Variants in PTPRD observed in about 807,000 individuals in gnomAD.
The protein encoded by PTPRD is receptor-type tyrosine-protein phosphatase delta.
PTPRD carries 34 observed loss-of-function variants against 214.5 expected under a neutral mutation model. The observed-to-expected ratio is 0.16, with a 90% CI of 0.12 to 0.21. The LOEUF is 0.21. PTPRD is among the 10% of genes least tolerant of loss of function. The pLI, the probability that PTPRD is intolerant of heterozygous loss-of-function variation, is 1.00. For synonymous variants in PTPRD, 1,128 were observed against 845.7 expected (o/e 1.33, Z -5.79); for missense variants, 2,545 against 2,398.7 (o/e 1.06, Z -1.27).
intron 3 of PTPRD, among the ~76,000 whole-genome samples, chr9:10,044,362 G>A (rs1300452839): frequency 6.6e-6 from 1 of 151,686 alleles, no homozygotes; most frequent in Non-Finnish European, 1.5e-5. Context: ...CAGCGATGAA[G>A]CCTTTGTTCT....
chr9:9,815,716 A>G (rs1241698869), intron 5 of PTPRD, among the ~76,000 whole-genome samples: 1 of 152,150 alleles, frequency 6.6e-6, no homozygotes, highest in East Asian at 1.9e-4. Flanking sequence ...AAAAGCAGAG[A>G]GTAGAATGGT....
At chr9:8,852,797 T>C (rs2097845722) in intron 11 of PTPRD, among the ~76,000 whole-genome samples, 2 of 152,308 alleles carry the variant, frequency 1.3e-5, no homozygotes, top group South Asian at 4.1e-4. Context: ...TTTTGGTAAT[T>C]TTCAAAATGT....
At chr9:10,612,235 C>G (rs2081236588) in intron 2 of PTPRD, among the ~76,000 whole-genome samples, 163 bp downstream of exon 2, 1 of 135,604 alleles carries the variant, frequency 7.4e-6, no homozygotes, top group East Asian at 2.2e-4. Flanking sequence ...GAAAAAAATG[C>G]TTAGCGAACC....
chr9:8,932,684 A>G (rs1234573799), intron 11 of PTPRD, among the ~76,000 whole-genome samples: 2 of 152,082 alleles, frequency 1.3e-5, no homozygotes, highest in Non-Finnish European at 1.5e-5. Context: ...GGGGAAAACC[A>G]CCTACTCAAA....
intron 39 of PTPRD, among the ~76,000 whole-genome samples, chr9:8,356,733 G>A (rs1049914088): frequency 2.0e-5 from 3 of 152,228 alleles, no homozygotes; most frequent in East Asian, 1.9e-4. Context: ...TCAGCTGCAG[G>A]CAGGCTGATT....
chr9:9,674,188 T>C (rs1227366937), intron 7 of PTPRD, among the ~76,000 whole-genome samples: 2 of 151,730 alleles, frequency 1.3e-5, no homozygotes, highest in African/African-American at 4.8e-5. Context: ...TAAACAAAAG[T>C]AGTAAATAAA....
chr9:9,618,578 CT>C (rs2095046684), intron 7 of PTPRD, among the ~76,000 whole-genome samples: 2 of 151,870 alleles, frequency 1.3e-5, no homozygotes, highest in South Asian at 4.2e-4. Flanking sequence ...AAAGAAGGAT[CT>C]TAATCTTTGG....
intron 10 of PTPRD, among the ~76,000 whole-genome samples, chr9:9,049,434 T>C (rs2099680381): frequency 1.3e-5 from 2 of 152,176 alleles, no homozygotes; most frequent in African/African-American, 4.8e-5. Context: ...AAAATAAATA[T>C]AAATATTTGT....
chr9:8,650,528 C>CA (rs35887411), intron 12 of PTPRD, among the ~76,000 whole-genome samples: 5,569 of 104,242 alleles, frequency 0.053, 186 homozygotes, highest in Non-Finnish European at 0.076. Flanking sequence ...ACTCCGCCTC[C>CA]AAAAAAAAAA....
chr9:9,435,557 G>C (rs1160521181), intron 8 of PTPRD, among the ~76,000 whole-genome samples: 2 of 151,984 alleles, frequency 1.3e-5, no homozygotes, highest in Non-Finnish European at 2.9e-5. Flanking sequence ...CTAAGGATTT[G>C]TTTTATTACA....
Position 8,320,243 on chromosome 9 carries a change from A to C in PTPRD, c.5535-277T>G, listed in dbSNP as rs1406807259. 3.3e-5 allele frequency among the ~76,000 whole-genome samples: 5 copies of C among 152,150 alleles called. No individual in the cohort carries two copies. In the East Asian group the frequency reaches 9.7e-4, roughly 29 times the overall value. On this transcript the variant is annotated intron_variant, in intron 44 of 45. Transcript: ENST00000381196. ...TTTAGAAAGACCAAGGAAACATAAC[A>C]AATGAAAAGAAAGGGTAAATAACAT...
At chr9:9,453,739 G>C (rs2092591635) in intron 8 of PTPRD, among the ~76,000 whole-genome samples, 2 of 151,606 alleles carry the variant, frequency 1.3e-5, no homozygotes, top group Non-Finnish European at 3.0e-5. Flanking sequence ...AAATTAATCT[G>C]ACATTTTTGG....
intron 3 of PTPRD, among the ~76,000 whole-genome samples, chr9:10,103,561 C>A (rs556643602): frequency 6.6e-6 from 1 of 150,816 alleles, no homozygotes; most frequent in African/African-American, 2.4e-5. Flanking sequence ...CAATATAAGC[C>A]CCCTAAAGCC....
chr9:10,402,913 A>G (rs2098294638), intron 2 of PTPRD, among the ~76,000 whole-genome samples: 1 of 151,494 alleles, frequency 6.6e-6, no homozygotes, highest in Non-Finnish European at 1.5e-5. Context: ...CTACCTAGCC[A>G]TTAGATCTGT....
At chr9:8,621,331 G>T (rs1204161484) in intron 14 of PTPRD, among the ~76,000 whole-genome samples, 1 of 151,966 alleles carries the variant, frequency 6.6e-6, no homozygotes, top group Non-Finnish European at 1.5e-5. Flanking sequence ...AACCAGGCTT[G>T]TGTAAAAGAC....
rs541263539 is a variant in PTPRD at position 10,250,589 on chromosome 9, A to C, written c.-545+90374T>G. ...ATCTCAGATTTAAAATCCTTTGATC[A>C]ATCAACAAACACTTATTGAACACAA... On this transcript the variant is annotated intron_variant, in intron 3 of 45. Coordinates refer to ENST00000381196, the MANE Select transcript of PTPRD (RefSeq NM_002839.4). Among the ~76,000 whole-genome samples the C allele has an allele frequency of 4.8e-4, 73 of 152,234 alleles. 1 individual carries two copies. The highest frequency in any genetic ancestry group is 1.7e-3 in the African/African-American group (69 of 41,580).
intron 4 of PTPRD, among the ~76,000 whole-genome samples, chr9:9,941,228 T>C (rs1198953266): frequency 6.6e-6 from 1 of 152,100 alleles, no homozygotes; most frequent in Non-Finnish European, 1.5e-5. Flanking sequence ...TATATGACTA[T>C]GAGGGAAGGG....
chr9:9,011,127 T>A (rs116928532), intron 11 of PTPRD, among the ~76,000 whole-genome samples: 2,216 of 152,154 alleles, frequency 0.015, 23 homozygotes, highest in Non-Finnish European at 0.023. Context: ...TTCTAGTCTG[T>A]AGGGGTGCTC....
intron 3 of PTPRD, among the ~76,000 whole-genome samples, chr9:10,085,012 T>C (rs10122899): frequency 0.16 from 24,181 of 151,826 alleles, 5,780 homozygotes; most frequent in African/African-American, 0.52. Context: ...GAAATAAATA[T>C]CAATGTCTTT....
Sources: allele counts gnomAD v4.1 joint callset (sites outside exome capture counted in the v4.1 genomes callset), GRCh38; gene constraint gnomAD v4.1.1; transcripts MANE v1.5; gene names NCBI Gene and HGNC (gene_info 2026-07-23, HGNC 2026-07-21).